WDR17: variants seen among roughly 807,000 people sequenced by gnomAD.
WDR17 encodes WD repeat domain 17.
Under a neutral mutation model 161.7 loss-of-function variants are expected in WDR17, and 143 were observed. The observed-to-expected ratio is 0.88, with a 90% CI of 0.77 to 1.02. WDR17 has a LOEUF of 1.02. Among genes scored for constraint, WDR17 ranks in the 50% least tolerant of loss-of-function variants. WDR17 has a pLI of 0.00. For missense variants in WDR17, 1,469 were observed against 1,520.9 expected (o/e 0.97, Z 0.57); for synonymous variants, 517 against 515.6 (o/e 1.00, Z -0.04).
At chr4:176,165,663 A>G (rs1416450663) in intron 22 of WDR17, among the ~76,000 whole-genome samples, 1 of 152,188 alleles carries the variant, frequency 6.6e-6, no homozygotes, top group Non-Finnish European at 1.5e-5. Flanking sequence ...AGAGAAATCA[A>G]TTTACTATGC....
Position 176,160,222 on chromosome 4 carries a change from A to G in WDR17, c.2658+96A>G, listed in dbSNP as rs965699528. The G allele has an allele frequency of 2.8e-6, 4 of 1,429,520 alleles. No individual in the cohort carries two copies. In the African/African-American group the frequency reaches 4.2e-5, roughly 15 times the overall value. The allele number at this position is 1,429,520 out of a possible 1,614,324, so 88.6% of individuals were successfully genotyped here. A position where few individuals can be genotyped will look rare whatever the true frequency, so the allele number is the denominator to read the frequency against. On this transcript the variant is annotated intron_variant, in intron 19 of 28. Coordinates refer to ENST00000508596, the MANE Select transcript of WDR17 (RefSeq NM_181265.4). Reference sequence around the variant, plus strand: ...ACTGGCTCACCCTTACATAATTGACAAAGTCATAAAGGGCTTGGCTTCTGC... The same window carrying G: ...ACTGGCTCACCCTTACATAATTGACGAAGTCATAAAGGGCTTGGCTTCTGC...
At chr4:176,152,854 GA>G (rs1178585338) in intron 17 of WDR17, among the ~76,000 whole-genome samples, 1 of 151,542 alleles carries the variant, frequency 6.6e-6, no homozygotes, top group Non-Finnish European at 1.5e-5. Context: ...AGAACTGCTT[GA>G]ACCTGGGAGG....
intron 4 of WDR17, among the ~76,000 whole-genome samples, chr4:176,124,185 T>C (rs1226884626): frequency 6.6e-6 from 1 of 152,226 alleles, no homozygotes; most frequent in Non-Finnish European, 1.5e-5. Flanking sequence ...TTATGACTAA[T>C]TGGTACTTTC....
At chr4:176,168,556 T>G in intron 22 of WDR17, 116 bp from the exon 23 acceptor site, 1 of 1,237,266 alleles carries the variant, frequency 8.1e-7, no homozygotes, top group Non-Finnish European at 1.1e-6. Flanking sequence ...ATACTGTTTG[T>G]GTAAATTAAA....
intron 1 of WDR17, among the ~76,000 whole-genome samples, chr4:176,076,254 T>TACAC (rs1302008397): frequency 8.2e-4 from 49 of 59,492 alleles, no homozygotes; most frequent in African/African-American, 2.1e-3. Flanking sequence ...TATATATATA[T>TACAC]ACACACACAC....
At chr4:176,162,316 C>A in intron 21 of WDR17, 142 bp downstream of exon 21, 1 of 624,730 alleles carries the variant, frequency 1.6e-6, no homozygotes, top group South Asian at 2.1e-5. Context: ...TAATTACATT[C>A]CTAATTAGCA....
intron 1 of WDR17, among the ~76,000 whole-genome samples, chr4:176,087,777 T>C (rs902812699): frequency 6.6e-6 from 1 of 152,154 alleles, no homozygotes; most frequent in East Asian, 1.9e-4. Context: ...AACTCATCCA[T>C]TGAGATATAA....
chr4:176,141,785 C>A (rs185574318), intron 10 of WDR17, among the ~76,000 whole-genome samples, 198 bp from the exon 11 acceptor site: 1 of 152,182 alleles, frequency 6.6e-6, no homozygotes, highest in East Asian at 1.9e-4. Flanking sequence ...TTGTAGGTTA[C>A]CATAATTAAT....
chr4:176,161,988 T>C, intron 20 of WDR17, 87 bp from the exon 21 acceptor site: 1 of 1,160,028 alleles, frequency 8.6e-7, no homozygotes, highest in Non-Finnish European at 1.2e-6. Context: ...TTATTTGGTC[T>C]TTTTATCATA....
At chr4:176,156,925 T>C (rs1307069158) in intron 18 of WDR17, among the ~76,000 whole-genome samples, 1 of 152,186 alleles carries the variant, frequency 6.6e-6, no homozygotes, top group African/African-American at 2.4e-5. Flanking sequence ...TTATTCCCTG[T>C]GTGTCTCTGT....
intron 7 of WDR17, among the ~76,000 whole-genome samples, chr4:176,132,083 T>C (rs1743555293): frequency 1.3e-5 from 2 of 152,096 alleles, no homozygotes; most frequent in South Asian, 4.1e-4. Context: ...AGCCTTATTG[T>C]TCCCATTTGT....
chr4:176,153,879 A>G (rs1747633152), intron 17 of WDR17, among the ~76,000 whole-genome samples: 1 of 152,218 alleles, frequency 6.6e-6, no homozygotes, highest in Admixed American at 6.5e-5. Context: ...AAAGTATTTA[A>G]TTTAGGAGCA....
At chr4:176,073,909 A>G (rs541947418) in intron 1 of WDR17, among the ~76,000 whole-genome samples, 25 of 146,478 alleles carry the variant, frequency 1.7e-4, no homozygotes, top group East Asian at 4.1e-4. Context: ...TCTTCTTTTG[A>G]GAAATGTCTG....
Position 176,148,294 on chromosome 4 carries a change from C to G in WDR17, c.1856C>G (p.Thr619Ser), listed in dbSNP as rs752566104. 1 of 1,613,922 alleles carries G rather than the reference C, an allele frequency of 6.2e-7. No individual in the cohort carries two copies. Among genetic ancestry groups the G allele is most frequent in the South Asian group, 1.1e-5 (1 of 91,072 alleles). Residue 619 changes from threonine to serine, a missense_variant, in exon 13 of 29, where the codon ACT (threonine) becomes AGT (serine). Transcript: ENST00000508596. ...AAAGTATGGGACACTCGAGAAGGAA[C>G]TTGTGTGGATACTGTGTATGATCAC... is the stretch of plus-strand genomic sequence containing the variant. Reference protein sequence around the residue: ...TIKVWDTREGTCVDTVYDHGA... With the variant: ...TIKVWDTREGSCVDTVYDHGA...
chr4:176,081,846 A>G (rs941272693), intron 1 of WDR17, among the ~76,000 whole-genome samples: 5 of 152,146 alleles, frequency 3.3e-5, no homozygotes, highest in African/African-American at 9.7e-5. Flanking sequence ...TGAAATTACT[A>G]TGACTGACAT....
intron 7 of WDR17, among the ~76,000 whole-genome samples, 168 bp downstream of exon 7, chr4:176,131,906 T>C (rs571933936): frequency 2.4e-4 from 36 of 152,272 alleles, no homozygotes; most frequent in African/African-American, 8.2e-4. Flanking sequence ...AGAATGATGA[T>C]AAAACTACTA....
chr4:176,137,497 T>C (rs1180144987), intron 8 of WDR17, 23 bp from the exon 9 acceptor site: 16 of 1,560,876 alleles, frequency 1.0e-5, no homozygotes, highest in Non-Finnish European at 1.4e-5. Context: ...TTTAGTATAA[T>C]GTCTAACAAA....
intron 1 of WDR17, among the ~76,000 whole-genome samples, chr4:176,091,832 A>G (rs1263862947): frequency 6.6e-6 from 1 of 152,124 alleles, no homozygotes; most frequent in African/African-American, 2.4e-5. Flanking sequence ...TGAAAATACT[A>G]TTAGCAATTA....
chr4:176,158,208 A>G lies in WDR17; in HGVS notation c.2526-1786A>G, dbSNP rs1390714174. Among the ~76,000 whole-genome samples, 9 of 152,338 alleles carry G rather than the reference A, an allele frequency of 5.9e-5. No individual in the cohort carries two copies. The South Asian group carries it at 6.2e-4, about 11-fold the overall frequency. ...CTAAAATATCAAGAACAGATTAGAG[A>G]AGGTCAATAGCAGACATGAGGAGGC... is the stretch of plus-strand genomic sequence containing the variant. On this transcript the variant is annotated intron_variant, in intron 18 of 28. Coordinates refer to ENST00000508596, the MANE Select transcript of WDR17 (RefSeq NM_181265.4).
Sources: gnomAD v4.1 joint callset for allele counts (sites outside exome capture counted in the v4.1 genomes callset) on GRCh38, gnomAD v4.1.1 for gene constraint, MANE v1.5 for transcripts, NCBI Gene and HGNC (gene_info 2026-07-23, HGNC 2026-07-21) for gene names.